The following PCNX4 variants were observed in gnomAD, a reference collection of about 807,000 sequenced individuals.
PCNX4 encodes pecanex 4.
A neutral mutation model predicts 107.2 loss-of-function variants in PCNX4; 103 were observed. The ratio of observed to expected loss-of-function variants is 0.96; its 90% CI spans 0.82 to 1.13. The LOEUF (loss-of-function observed/expected upper bound fraction) is 1.13. Ranked by LOEUF, PCNX4 falls within the 50% of genes most tolerant of loss-of-function variation. The pLI is 0.00. For missense variants in PCNX4, 1,528 were observed against 1,379.4 expected, an observed-to-expected ratio of 1.11 and a Z score of -1.71; for synonymous variants, 541 against 481.7, an observed-to-expected ratio of 1.12 and a Z score of -1.61.
intron 6 of PCNX4, among the ~76,000 whole-genome samples, chr14:60,117,414 CA>C (rs1895870235): frequency 6.6e-6 from 1 of 152,138 alleles, no homozygotes; most frequent in Non-Finnish European, 1.5e-5. Context: ...AGCCTATGAG[CA>C]ATAGGTTATA....
Position 60,141,046 on chromosome 14 carries a change from C to T in PCNX4, c.*6825C>T, listed in dbSNP as rs1896300826. 6.6e-6 allele frequency: 1 copy of T among 152,180 alleles called. No homozygotes were observed. Among genetic ancestry groups the T allele is most frequent in the African/African-American group, 2.4e-5 (1 of 41,430 alleles). 9.4% of individuals were successfully genotyped at this position (152,180 alleles called of 1,614,324 possible). On this transcript the variant is annotated 3_prime_UTR_variant, in exon 11 of 11. Transcript: ENST00000406854. ...TACTTATAAAGATGAAAGAGGCAGC[C>T]ATCCTCTTCCCTTCCTGAAAGAGTC... is the stretch of plus-strand genomic sequence containing the variant.
intron 6 of PCNX4, among the ~76,000 whole-genome samples, chr14:60,117,180 A>C (rs913140237): frequency 2.6e-5 from 4 of 152,212 alleles, no homozygotes; most frequent in African/African-American, 4.8e-5. Context: ...AGTGTATAGT[A>C]ATGTCCTAGG....
rs1465724008 is a variant in PCNX4 at position 60,115,272 on chromosome 14, A to G, written c.1168A>G (p.Ile390Val). The G allele has an allele frequency of 1.2e-6, 2 of 1,610,998 alleles. No homozygotes were observed. Among genetic ancestry groups the G allele is most frequent in the Admixed American group, 3.3e-5 (2 of 59,924 alleles). The stretch of plus-strand genomic sequence containing the variant: ...GATTTCTAAAAGCAATTCCCAGGCT[A>G]TTGTGGGCTATGGTTTGATGATATT... ...SQISKSNSQA[I>V]VGYGLMILLI... Residue 390 changes from isoleucine to valine, a missense_variant, in exon 4 of 11, where the codon ATT (isoleucine) becomes GTT (valine). Ile to Val is a conservative substitution (Grantham distance 29). Transcript: ENST00000406854.
At position 60,092,082 on chromosome 14, in the gene PCNX4, C is replaced by T. The variant is rs1327084838; in HGVS notation, c.-391C>T. 6.6e-6 allele frequency: 1 copy of T among 152,376 alleles called. No homozygotes were observed. Among genetic ancestry groups the T allele is most frequent in the Non-Finnish European group, 1.5e-5 (1 of 68,120 alleles). 9.4% of individuals were successfully genotyped at this position (152,376 alleles called of 1,614,324 possible). A position where few individuals can be genotyped will look rare whatever the true frequency, so the allele number is the denominator to read the frequency against. ...GGCGCGAACGAAGCGCGCTATTTCCCTGCTTCCTCTAGGCCAAGCCTGCTT... is the reference window on the plus strand; with the variant it reads ...GGCGCGAACGAAGCGCGCTATTTCCTTGCTTCCTCTAGGCCAAGCCTGCTT... On this transcript the variant is annotated 5_prime_UTR_variant, in exon 1 of 11. Transcript: ENST00000406854.
chr14:60,093,936 T>C (rs1895366729), intron 1 of PCNX4, among the ~76,000 whole-genome samples: 1 of 152,254 alleles, frequency 6.6e-6, no homozygotes, highest in African/African-American at 2.4e-5. Context: ...GTTTTTCTAA[T>C]GAGTAATGAT....
chr14:60,094,309 G>A lies in PCNX4; in HGVS notation c.-54+1890G>A, dbSNP rs571741908. 5.5e-4 allele frequency among the ~76,000 whole-genome samples: 37 copies of A among 67,622 alleles called. No individual in the cohort carries two copies. In the South Asian group the frequency reaches 7.3e-3, roughly 13 times the overall value. 44.4% of individuals were successfully genotyped at this position (67,622 alleles called of 152,430 possible). Reference sequence around the variant, plus strand: ...CCTCTTGGACCCACTTTTCTCCAAAGAACCCTATTCCCCCAAGTTATCCTT... The same window carrying A: ...CCTCTTGGACCCACTTTTCTCCAAAAAACCCTATTCCCCCAAGTTATCCTT... On this transcript the variant is annotated intron_variant, in intron 1 of 10. Coordinates refer to ENST00000406854, the MANE Select transcript of PCNX4 (RefSeq NM_001330177.2).
intron 8 of PCNX4, 96 bp downstream of exon 8, chr14:60,121,395 A>G (rs1895953115): frequency 7.8e-7 from 1 of 1,286,878 alleles, no homozygotes; most frequent in African/African-American, 1.5e-5. Context: ...TGAAAGAAGA[A>G]TATCTTTTCA....
intron 1 of PCNX4, among the ~76,000 whole-genome samples, chr14:60,097,314 A>C (rs1317416049): frequency 6.6e-6 from 1 of 152,194 alleles, no homozygotes; most frequent in East Asian, 1.9e-4. Flanking sequence ...ATCACACTTG[A>C]GTCAAAGCCT....
chr14:60,124,503 A>G lies in PCNX4; in HGVS notation c.2332A>G (p.Met778Val), dbSNP rs1490630250. 5 of 1,613,710 alleles carry G rather than the reference A, an allele frequency of 3.1e-6. No homozygotes were observed. Among genetic ancestry groups the G allele is most frequent in the African/African-American group, 1.3e-5 (1 of 74,912 alleles). ...LVQYCSKRPGMKENVHNTENK... is the reference protein window; with the variant it reads ...LVQYCSKRPGVKENVHNTENK... The stretch of plus-strand genomic sequence containing the variant: ...TCAATACTGCTCCAAAAGGCCTGGC[A>G]TGAAAGAGAATGTTCACAACACTGA... Residue 778 changes from methionine (M) to valine (V), a missense_variant, in exon 9 of 11, where the codon ATG becomes GTG. Transcript: ENST00000406854.
rs1244606573 is a variant in PCNX4 at position 60,147,117 on chromosome 14, C to T, written c.*12896C>T. The T allele has an allele frequency of 1.3e-5, 2 of 152,124 alleles. No homozygotes were observed. The highest frequency in any genetic ancestry group is 2.4e-5 in the African/African-American group (1 of 41,378). 9.4% of individuals were successfully genotyped at this position (152,124 alleles called of 1,614,324 possible). ...GCATGGTGGTGTGCGCCTATAGTCT[C>T]AGCTACTCAGGAGGCTGGGGTGGGA... On this transcript the variant is annotated 3_prime_UTR_variant, in exon 11 of 11. Transcript: ENST00000406854.
intron 1 of PCNX4, among the ~76,000 whole-genome samples, chr14:60,092,994 C>T (rs1436923322): frequency 6.6e-6 from 1 of 152,204 alleles, no homozygotes; most frequent in Non-Finnish European, 1.5e-5. Context: ...ATCATTCCTG[C>T]AGTTAGGGCA....
Position 60,134,105 on chromosome 14 carries a change from C to T in PCNX4, c.3403C>T (p.Arg1135Cys), listed in dbSNP as rs1329136356. The T allele has an allele frequency of 6.2e-7, 1 of 1,613,780 alleles. No homozygotes were observed. Among genetic ancestry groups the T allele is most frequent in the South Asian group, 1.1e-5 (1 of 91,078 alleles). ...TTATGCCACAAACGATGATGAAGAA[C>T]GTTATAGTATACAAGCTCATCCACT... ...LLYATNDDEE[R>C]YSIQAHPLLL... Residue 1135 changes from arginine to cysteine, a missense_variant, in exon 11 of 11, where the codon CGT becomes TGT. Transcript: ENST00000406854.
In PCNX4 at chr14:60,099,117, G is replaced by C. The variant is rs926915882; in HGVS notation, c.-54+6698G>C. Among the ~76,000 whole-genome samples, 15 of 152,164 alleles carry C rather than the reference G, an allele frequency of 9.9e-5. 1 individual carries two copies. The highest frequency in any genetic ancestry group is 6.5e-4 in the Admixed American group (10 of 15,286). On this transcript the variant is annotated intron_variant, in intron 1 of 10. Coordinates refer to ENST00000406854, the MANE Select transcript of PCNX4 (RefSeq NM_001330177.2). Reference sequence around the variant, plus strand: ...CACTTGGCTATCAAAAAAACTTCATGTATGCATACTTTTTAGAATTGCTCT... The same window carrying C: ...CACTTGGCTATCAAAAAAACTTCATCTATGCATACTTTTTAGAATTGCTCT...
chr14:60,103,920 A>G (rs1895580170), intron 1 of PCNX4, among the ~76,000 whole-genome samples: 1 of 152,244 alleles, frequency 6.6e-6, no homozygotes, highest in African/African-American at 2.4e-5. Context: ...AGATAGCATT[A>G]TTCCGTAAAA....
intron 1 of PCNX4, among the ~76,000 whole-genome samples, chr14:60,097,494 T>C (rs972321304): frequency 1.6e-4 from 25 of 152,226 alleles, no homozygotes; most frequent in Non-Finnish European, 2.1e-4. Context: ...TGCTGTAGCA[T>C]TTTGCTTAAT....
Position 60,124,215 on chromosome 14 carries a change from T to C in PCNX4, c.2047-3T>C, listed in dbSNP as rs971593340. 6.4e-7 allele frequency: 1 copy of C among 1,552,436 alleles called. No individual in the cohort carries two copies. Among genetic ancestry groups the C allele is most frequent in the Non-Finnish European group, 8.7e-7 (1 of 1,151,362 alleles). ...ACTCAAGTACTTTTTATTTCTTCTT[T>C]AGGGGTTAGAATTGCAGGAAACATC... On this transcript the variant is annotated splice_polypyrimidine_tract_variant and splice_region_variant and intron_variant, in intron 8 of 10. Transcript: ENST00000406854.
intron 7 of PCNX4, among the ~76,000 whole-genome samples, chr14:60,118,959 A>C (rs1312398134): frequency 6.6e-6 from 1 of 152,226 alleles, no homozygotes; most frequent in Non-Finnish European, 1.5e-5. Context: ...TTCTTGAATA[A>C]ATTCAGATTA....
At position 60,115,261 on chromosome 14, in the gene PCNX4, A is replaced by G. The variant is rs200309248; in HGVS notation, c.1157A>G (p.Asn386Ser). The change falls in exon 4 of 11, where the codon AAT becomes AGT. Residue 386 changes from asparagine to serine, a missense_variant. Physicochemically the swap from Asn to Ser is conservative, Grantham distance 46. Coordinates refer to ENST00000406854, the MANE Select transcript of PCNX4 (RefSeq NM_001330177.2). ...GGCTTCTCACAGATTTCTAAAAGCA[A>G]TTCCCAGGCTATTGTGGGCTATGGT... ...FAGFSQISKS[N>S]SQAIVGYGLM... 281 of 1,612,298 alleles carry G rather than the reference A, an allele frequency of 1.7e-4. No homozygotes were observed. The African/African-American group carries it at 2.3e-3, about 13-fold the overall frequency.
intron 1 of PCNX4, among the ~76,000 whole-genome samples, chr14:60,096,081 A>G (rs949976368): frequency 6.6e-6 from 1 of 152,238 alleles, no homozygotes; most frequent in African/African-American, 2.4e-5. Flanking sequence ...TTCTGTCACC[A>G]AGTTTCCCAG....
Sources: allele counts gnomAD v4.1 joint callset (sites outside exome capture counted in the v4.1 genomes callset), GRCh38; gene constraint gnomAD v4.1.1; transcripts MANE v1.5; gene names NCBI Gene and HGNC (gene_info 2026-07-23, HGNC 2026-07-21).